KCNIP4: variants seen among roughly 807,000 people sequenced by gnomAD.
The protein encoded by KCNIP4 is potassium voltage-gated channel interacting protein 4.
A neutral mutation model predicts 34.0 loss-of-function variants in KCNIP4; 12 were observed. That is an observed-to-expected ratio of 0.35 (90% CI 0.23 to 0.57). The LOEUF is 0.57. Among genes scored for constraint, KCNIP4 ranks in the 20% least tolerant of loss-of-function variants. The probability of loss-of-function intolerance (pLI) is 0.83; values close to 1 mark genes in which losing one functional copy is unlikely to be tolerated. For synonymous variants in KCNIP4, 124 were observed against 102.2 expected (o/e 1.21, Z -1.29); for missense variants, 238 against 311.7 (o/e 0.76, Z 1.78).
chr4:21,237,759 T>G (rs561119574), intron 1 of KCNIP4, among the ~76,000 whole-genome samples: 12 of 151,940 alleles, frequency 7.9e-5, no homozygotes, highest in Non-Finnish European at 1.5e-4. Context: ...ACCAAAAAAG[T>G]CCAGGACCAG....
intron 1 of KCNIP4, among the ~76,000 whole-genome samples, chr4:21,745,181 C>T (rs950868175): frequency 1.3e-5 from 2 of 152,094 alleles, no homozygotes; most frequent in Non-Finnish European, 2.9e-5. Flanking sequence ...AAAAGTTCCA[C>T]AAAGGAAGAC....
At chr4:21,455,601 A>G (rs186057672) in intron 1 of KCNIP4, among the ~76,000 whole-genome samples, 1 of 148,530 alleles carries the variant, frequency 6.7e-6, no homozygotes, top group Non-Finnish European at 1.5e-5. Flanking sequence ...TATTGCACTC[A>G]TTTTACAGAT....
At chr4:21,670,417 G>A (rs1204054949) in intron 1 of KCNIP4, among the ~76,000 whole-genome samples, 3 of 126,328 alleles carry the variant, frequency 2.4e-5, no homozygotes, top group Non-Finnish European at 4.8e-5. Context: ...TCTGGGGACT[G>A]TGGTGGGGTC....
chr4:21,105,161 C>A (rs1266838493), intron 1 of KCNIP4, among the ~76,000 whole-genome samples: 2 of 151,536 alleles, frequency 1.3e-5, no homozygotes, highest in African/African-American at 4.9e-5. Context: ...ATGGGGATGG[C>A]ATTGAATCTA....
chr4:20,841,989 T>A (rs1719780606), intron 3 of KCNIP4, among the ~76,000 whole-genome samples: 1 of 152,110 alleles, frequency 6.6e-6, no homozygotes, highest in Non-Finnish European at 1.5e-5. Flanking sequence ...AGCCGCCCCA[T>A]CGAAAGAAGC....
chr4:21,149,711 G>A (rs888969424), intron 1 of KCNIP4, among the ~76,000 whole-genome samples: 3 of 152,110 alleles, frequency 2.0e-5, no homozygotes, highest in African/African-American at 7.2e-5. Flanking sequence ...CTAACTTTTA[G>A]TCCAGAGGCA....
chr4:21,738,289 A>C (rs1179678506), intron 1 of KCNIP4, among the ~76,000 whole-genome samples: 1 of 152,128 alleles, frequency 6.6e-6, no homozygotes, highest in Non-Finnish European at 1.5e-5. Context: ...TTCAAATAAA[A>C]CATGTGAGAC....
At chr4:20,888,643 ATTAAG>A (rs1375475288) in intron 1 of KCNIP4, among the ~76,000 whole-genome samples, 1 of 152,138 alleles carries the variant, frequency 6.6e-6, no homozygotes, top group Admixed American at 6.5e-5. Flanking sequence ...TCATTAATTT[ATTAAG>A]TTAATATGTA....
intron 3 of KCNIP4, among the ~76,000 whole-genome samples, chr4:20,820,920 T>G (rs971913074): frequency 2.0e-5 from 3 of 152,224 alleles, no homozygotes; most frequent in African/African-American, 7.2e-5. Context: ...AGCACCCACC[T>G]GGTGCTAACT....
At chr4:21,691,514 G>C (rs1711629705) in intron 1 of KCNIP4, among the ~76,000 whole-genome samples, 1 of 152,014 alleles carries the variant, frequency 6.6e-6, no homozygotes, top group Non-Finnish European at 1.5e-5. Flanking sequence ...TCTCATTCCT[G>C]CCAGAAACAG....
intron 3 of KCNIP4, among the ~76,000 whole-genome samples, chr4:20,814,389 C>G (rs1472152800): frequency 1.3e-5 from 2 of 152,168 alleles, no homozygotes; most frequent in Admixed American, 6.6e-5. Context: ...CTCATCTTCA[C>G]TAAATCTCTC....
intron 1 of KCNIP4, among the ~76,000 whole-genome samples, chr4:21,500,485 A>G (rs1203598724): frequency 6.6e-6 from 1 of 152,180 alleles, no homozygotes; most frequent in Non-Finnish European, 1.5e-5. Flanking sequence ...CAGAAGGATT[A>G]AATTAGACAA....
chr4:21,467,073 A>AACACACACACAC (rs33937973), intron 1 of KCNIP4, among the ~76,000 whole-genome samples: 60 of 139,822 alleles, frequency 4.3e-4, no homozygotes, highest in East Asian at 2.1e-3. Context: ...AACCAAAACA[A>AACACACACACAC]ACACACACAC....
rs79106868 is a variant in KCNIP4 at position 20,809,057 on chromosome 4, C to A, written c.288+41486G>T. 3.1e-4 allele frequency among the ~76,000 whole-genome samples: 47 copies of A among 152,294 alleles called. No homozygotes were observed. The East Asian group carries it at 8.9e-3, about 29-fold the overall frequency. ...TGAGGACACATCTGTTACTCCACAC[C>A]TTCTATTCTCAGCACACCTTAAGCT... is the stretch of plus-strand genomic sequence containing the variant. On this transcript the variant is annotated intron_variant, in intron 3 of 8. Coordinates refer to ENST00000382152, the MANE Select transcript of KCNIP4 (RefSeq NM_025221.6).
chr4:21,415,094 TC>T (rs549099668), intron 1 of KCNIP4, among the ~76,000 whole-genome samples: 18 of 151,784 alleles, frequency 1.2e-4, no homozygotes, highest in Admixed American at 6.6e-5. Context: ...CCATCCCCAT[TC>T]CCCCCCAGTC....
At chr4:21,298,729 A>G (rs763974328) in intron 1 of KCNIP4, among the ~76,000 whole-genome samples, 7 of 152,180 alleles carry the variant, frequency 4.6e-5, no homozygotes, top group Non-Finnish European at 8.8e-5. Context: ...TTTAATTTAT[A>G]ACATGGTGCC....
intron 1 of KCNIP4, among the ~76,000 whole-genome samples, chr4:21,228,331 T>C (rs1373555411): frequency 6.6e-6 from 1 of 152,196 alleles, no homozygotes. Flanking sequence ...CGGTAAAACA[T>C]GATTGCTTCC....
chr4:20,754,697 T>G (rs1754207374), intron 4 of KCNIP4, among the ~76,000 whole-genome samples: 1 of 152,200 alleles, frequency 6.6e-6, no homozygotes. Context: ...TAATTTTTTC[T>G]CAAATCCCTA....
At chr4:21,013,978 T>C (rs984627794) in intron 1 of KCNIP4, among the ~76,000 whole-genome samples, 2 of 152,170 alleles carry the variant, frequency 1.3e-5, no homozygotes, top group Non-Finnish European at 2.9e-5. Flanking sequence ...ATCCTTCTTA[T>C]CTTCCCAACT....
Sources: gnomAD v4.1 joint callset for allele counts (sites outside exome capture counted in the v4.1 genomes callset) on GRCh38, gnomAD v4.1.1 for gene constraint, MANE v1.5 for transcripts, NCBI Gene and HGNC (gene_info 2026-07-23, HGNC 2026-07-21) for gene names.